Variants in SCAPER observed in about 807,000 individuals in gnomAD.
The protein encoded by SCAPER is S-phase cyclin A associated protein in the ER, also known as S phase cyclin A-associated protein in the endoplasmic reticulum.
A neutral mutation model predicts 182.2 loss-of-function variants in SCAPER; 98 were observed. The observed-to-expected ratio is 0.54, with a 90% CI of 0.46 to 0.64. The LOEUF is 0.64. Ranked by LOEUF, SCAPER falls within the 30% of genes least tolerant of loss-of-function variation. SCAPER has a pLI of 0.00. For missense variants in SCAPER, 1,432 were observed against 1,690.0 expected (o/e 0.85, Z 2.68); for synonymous variants, 605 against 564.6 (o/e 1.07, Z -1.01).
chr15:76,799,719 CT>C (rs2065612713), intron 7 of SCAPER, among the ~76,000 whole-genome samples: 1 of 152,158 alleles, frequency 6.6e-6, no homozygotes, highest in Non-Finnish European at 1.5e-5. Context: ...GTCCTTATCC[CT>C]GTAGAAGAGG....
At chr15:76,478,784 A>G (rs1398216547) in intron 24 of SCAPER, among the ~76,000 whole-genome samples, 1 of 152,178 alleles carries the variant, frequency 6.6e-6, no homozygotes, top group Non-Finnish European at 1.5e-5. Context: ...GTAGCTTTAT[A>G]GTAGAGTCAA....
At chr15:76,637,521 A>AC (rs956954595) in intron 21 of SCAPER, among the ~76,000 whole-genome samples, 8 of 146,910 alleles carry the variant, frequency 5.4e-5, no homozygotes, top group Admixed American at 1.4e-4. Context: ...AAACAGTGAG[A>AC]CCCCCCCATC....
At chr15:76,742,911 T>C (rs1197548981) in intron 15 of SCAPER, among the ~76,000 whole-genome samples, 1 of 152,082 alleles carries the variant, frequency 6.6e-6, no homozygotes, top group African/African-American at 2.4e-5. Flanking sequence ...CAGAAATACA[T>C]GAGACTTCAG....
chr15:76,635,637 T>C (rs543656397), intron 21 of SCAPER, among the ~76,000 whole-genome samples: 2 of 152,240 alleles, frequency 1.3e-5, no homozygotes, highest in Non-Finnish European at 2.9e-5. Context: ...GTCTTCTTCC[T>C]GATCTTAGGG....
intron 20 of SCAPER, among the ~76,000 whole-genome samples, chr15:76,689,468 A>G (rs1238105237): frequency 6.6e-6 from 1 of 152,050 alleles, no homozygotes; most frequent in African/African-American, 2.4e-5. Flanking sequence ...AAATTAGAAA[A>G]TCTAATCTAA....
At chr15:76,417,168 A>G (rs2045708181) in intron 26 of SCAPER, among the ~76,000 whole-genome samples, 1 of 152,114 alleles carries the variant, frequency 6.6e-6, no homozygotes, top group South Asian at 2.1e-4. Context: ...TAAAAAACAC[A>G]AACCCGGTAA....
chr15:76,401,760 G>T (rs1004275763), intron 27 of SCAPER, among the ~76,000 whole-genome samples: 3 of 152,264 alleles, frequency 2.0e-5, no homozygotes, highest in Admixed American at 6.5e-5. Context: ...AGCAGACCCT[G>T]AAAAAATAAT....
chr15:76,513,291 A>G (rs2042184510), intron 23 of SCAPER, among the ~76,000 whole-genome samples: 1 of 152,208 alleles, frequency 6.6e-6, no homozygotes, highest in Non-Finnish European at 1.5e-5. Flanking sequence ...GATTAACACA[A>G]CATAGAGGCA....
intron 5 of SCAPER, among the ~76,000 whole-genome samples, chr15:76,816,749 T>C (rs2067116372): frequency 6.6e-6 from 1 of 151,620 alleles, no homozygotes; most frequent in Non-Finnish European, 1.5e-5. Context: ...ACCTCCCAGG[T>C]TCACACCAGT....
At chr15:76,846,273 A>G (rs1205848070) in intron 4 of SCAPER, among the ~76,000 whole-genome samples, 1 of 152,194 alleles carries the variant, frequency 6.6e-6, no homozygotes. Context: ...TCTCCAGGAC[A>G]CTGGTCTGGG....
chr15:76,441,713 A>G (rs916472911), intron 25 of SCAPER, among the ~76,000 whole-genome samples: 1 of 152,158 alleles, frequency 6.6e-6, no homozygotes, highest in Admixed American at 6.5e-5. Context: ...AGAGTGTCTT[A>G]TTTAAAGTAA....
intron 23 of SCAPER, among the ~76,000 whole-genome samples, chr15:76,511,021 T>C (rs1440403243): frequency 6.6e-6 from 1 of 152,176 alleles, no homozygotes; most frequent in African/African-American, 2.4e-5. Flanking sequence ...AAACATTGTA[T>C]GTTCTCACTC....
intron 23 of SCAPER, among the ~76,000 whole-genome samples, chr15:76,517,080 G>A (rs2042484669): frequency 6.6e-6 from 1 of 152,058 alleles, no homozygotes; most frequent in Non-Finnish European, 1.5e-5. Context: ...TGATTTCTGA[G>A]TGTGTAATGG....
intron 2 of SCAPER, among the ~76,000 whole-genome samples, chr15:76,880,815 T>C (rs1366375158): frequency 1.3e-5 from 2 of 151,982 alleles, no homozygotes; most frequent in Non-Finnish European, 2.9e-5. Context: ...TACATTCATT[T>C]TGAAAATATA....
At chr15:76,434,983 G>C (rs1001458213) in intron 25 of SCAPER, among the ~76,000 whole-genome samples, 1 of 152,172 alleles carries the variant, frequency 6.6e-6, no homozygotes, top group South Asian at 2.1e-4. Context: ...GACAATATTT[G>C]GTAAAATATT....
intron 23 of SCAPER, among the ~76,000 whole-genome samples, chr15:76,544,141 C>T (rs1411303484): frequency 6.6e-6 from 1 of 152,070 alleles, no homozygotes; most frequent in Non-Finnish European, 1.5e-5. Context: ...CCATTTCACA[C>T]CCACTAGGAT....
intron 15 of SCAPER, among the ~76,000 whole-genome samples, 153 bp from the exon 16 acceptor site, chr15:76,733,537 T>C (rs1450128696): frequency 6.6e-6 from 1 of 151,774 alleles, no homozygotes; most frequent in African/African-American, 2.4e-5. Context: ...TCACCTGAAG[T>C]TGGGAGTTCG....
intron 22 of SCAPER, among the ~76,000 whole-genome samples, chr15:76,606,180 A>G (rs551642331): frequency 6.6e-6 from 1 of 152,310 alleles, no homozygotes; most frequent in Non-Finnish European, 1.5e-5. Flanking sequence ...TTCCCTCTAC[A>G]CACTGCTTTG....
chr15:76,691,198 C>G (rs1444826650), intron 20 of SCAPER, among the ~76,000 whole-genome samples: 2 of 151,798 alleles, frequency 1.3e-5, no homozygotes, highest in African/African-American at 4.8e-5. Flanking sequence ...AATCAATACA[C>G]AGAAATGTAC....
Sources: allele counts gnomAD v4.1 joint callset (sites outside exome capture counted in the v4.1 genomes callset), GRCh38; gene constraint gnomAD v4.1.1; transcripts MANE v1.5; gene names NCBI Gene and HGNC (gene_info 2026-07-23, HGNC 2026-07-21).